Variants in TTC7B observed in about 807,000 individuals in gnomAD.
TTC7B encodes the protein tetratricopeptide repeat domain 7B, also known as tetratricopeptide repeat protein 7B.
Under a neutral mutation model 106.8 loss-of-function variants are expected in TTC7B, and 28 were observed. The ratio of observed to expected loss-of-function variants is 0.26; its 90% confidence interval spans 0.19 to 0.36. The LOEUF (loss-of-function observed/expected upper bound fraction) is 0.36, where lower values mean the gene tolerates loss of function less well. TTC7B is among the 10% of genes least tolerant of loss of function. The pLI is 1.00. For synonymous variants in TTC7B, 405 were observed against 430.6 expected (o/e 0.94, Z 0.74); for missense variants, 862 against 1,076.4 (o/e 0.80, Z 2.79).
At chr14:90,611,192 GC>G (rs1244258144) in intron 16 of TTC7B, among the ~76,000 whole-genome samples, 1 of 152,182 alleles carries the variant, frequency 6.6e-6, no homozygotes, top group African/African-American at 2.4e-5. Context: ...TGAAGTCTTA[GC>G]AAGTGAGTCC....
Position 90,531,432 on chromosome 14 carries a change from AAC to A in TTC7B, c.*9934_*9935del, listed in dbSNP as rs960622589. On this transcript the variant is annotated 3_prime_UTR_variant, in exon 20 of 20. Coordinates refer to ENST00000328459, the MANE Select transcript of TTC7B (RefSeq NM_001010854.2). ...TAAGCACAAAAAATCAAAAATACAA[AAC>A]AAAAAAACAAACAAAAAAAAAACAA... 1.3e-5 allele frequency: 2 copies of A among 150,494 alleles called. No homozygotes were observed. The highest frequency in any genetic ancestry group is 5.0e-5 in the African/African-American group (2 of 40,128). The allele number at this position is 150,494 out of a possible 1,614,324, so 9.3% of individuals were successfully genotyped here.
chr14:90,643,963 C>T, intron 15 of TTC7B, 85 bp downstream of exon 15: 1 of 1,522,268 alleles, frequency 6.6e-7, no homozygotes, highest in Non-Finnish European at 9.1e-7. Context: ...CCATGAGGGA[C>T]TTAGACAGAT....
At chr14:90,548,476 C>T (rs567248041) in intron 19 of TTC7B, among the ~76,000 whole-genome samples, 27 of 152,330 alleles carry the variant, frequency 1.8e-4, no homozygotes, top group African/African-American at 6.3e-4. Context: ...CATGTGCAAG[C>T]CATTATGATC....
chr14:90,722,372 C>T (rs573856473), intron 5 of TTC7B, among the ~76,000 whole-genome samples: 1 of 152,242 alleles, frequency 6.6e-6, no homozygotes, highest in East Asian at 1.9e-4. Flanking sequence ...AAATGGGGGA[C>T]GTGGCTCTGG....
At chr14:90,710,789 T>A (rs1187882251) in intron 5 of TTC7B, among the ~76,000 whole-genome samples, 1 of 152,224 alleles carries the variant, frequency 6.6e-6, no homozygotes, top group Non-Finnish European at 1.5e-5. Flanking sequence ...TTTCTGGACA[T>A]AATGTTATTG....
chr14:90,652,362 G>A (rs1302856792), intron 13 of TTC7B, among the ~76,000 whole-genome samples: 3 of 151,006 alleles, frequency 2.0e-5, no homozygotes, highest in African/African-American at 7.3e-5. Context: ...GAAGCACAAG[G>A]TGTTATGGAA....
At chr14:90,778,505 G>A (rs1004024387) in intron 3 of TTC7B, among the ~76,000 whole-genome samples, 10 of 152,198 alleles carry the variant, frequency 6.6e-5, no homozygotes, top group African/African-American at 2.2e-4. Context: ...GCCAACTCCT[G>A]GTACAACTCA....
chr14:90,674,918 G>A (rs111589653), intron 9 of TTC7B, among the ~76,000 whole-genome samples: 125 of 152,290 alleles, frequency 8.2e-4, no homozygotes, highest in Admixed American at 2.1e-3. Flanking sequence ...AGTCATTTGG[G>A]AGGCAGGTGA....
intron 6 of TTC7B, among the ~76,000 whole-genome samples, chr14:90,691,300 C>G (rs1311492282): frequency 6.6e-6 from 1 of 152,124 alleles, no homozygotes; most frequent in Non-Finnish European, 1.5e-5. Context: ...ATAGCTCATG[C>G]TAGGTCTCAT....
intron 17 of TTC7B, among the ~76,000 whole-genome samples, chr14:90,599,329 C>T (rs1217959966): frequency 6.6e-6 from 1 of 152,176 alleles, no homozygotes; most frequent in Admixed American, 6.5e-5. Flanking sequence ...TGAAGGACCC[C>T]TCGCCTTCCC....
At chr14:90,719,971 C>T (rs909813734) in intron 5 of TTC7B, among the ~76,000 whole-genome samples, 3 of 152,052 alleles carry the variant, frequency 2.0e-5, no homozygotes, top group African/African-American at 7.2e-5. Context: ...TTGAATGCTG[C>T]CCAACACAAA....
At chr14:90,579,109 AG>A (rs58571572) in intron 18 of TTC7B, among the ~76,000 whole-genome samples, 275 of 152,274 alleles carry the variant, frequency 1.8e-3, no homozygotes, top group African/African-American at 6.4e-3. Context: ...TCGAATATCC[AG>A]GGGGAACGTG....
intron 5 of TTC7B, among the ~76,000 whole-genome samples, chr14:90,702,846 C>T (rs915093690): frequency 2.0e-5 from 3 of 152,088 alleles, no homozygotes; most frequent in Non-Finnish European, 2.9e-5. Context: ...GTGCCCCTGA[C>T]GGGGGCAGGG....
In TTC7B at chr14:90,802,016, G is replaced by A. The variant is rs1308235978; in HGVS notation, c.121+14159C>T. On this transcript the variant is annotated intron_variant, in intron 1 of 19. Coordinates refer to ENST00000328459, the MANE Select transcript of TTC7B (RefSeq NM_001010854.2). This position sits in a 1 kb window ranked among gnomAD's most constrained non-coding sequence, Gnocchi z 4.7. ...GTGGAGGTTGCAGTGAGCCAAGATC[G>A]TGCCATTGTACTCCAGCCTGGACAA... Among the ~76,000 whole-genome samples, 4 of 151,584 alleles carry A rather than the reference G, an allele frequency of 2.6e-5. No individual in the cohort carries two copies. Among genetic ancestry groups the A allele is most frequent in the Non-Finnish European group, 4.4e-5 (3 of 67,944 alleles).
At chr14:90,633,500 T>C (rs1257291506) in intron 15 of TTC7B, among the ~76,000 whole-genome samples, 3 of 152,232 alleles carry the variant, frequency 2.0e-5, no homozygotes, top group Non-Finnish European at 4.4e-5. Flanking sequence ...AAAAGTATGA[T>C]ACTATCTAAT....
At chr14:90,786,396 G>A (rs978132220) in intron 1 of TTC7B, 68 bp from the exon 2 acceptor site, 1 of 1,587,670 alleles carries the variant, frequency 6.3e-7, no homozygotes, top group East Asian at 2.2e-5. Context: ...CCTCACTCAA[G>A]GGACCCCAGA....
At chr14:90,687,039 A>G (rs758075031) in intron 7 of TTC7B, among the ~76,000 whole-genome samples, 8 of 151,922 alleles carry the variant, frequency 5.3e-5, no homozygotes, top group Non-Finnish European at 7.4e-5. Context: ...TCATATGGAA[A>G]TGCAAGGGCT....
intron 7 of TTC7B, among the ~76,000 whole-genome samples, chr14:90,684,243 T>A (rs1412204787): frequency 2.0e-5 from 3 of 152,228 alleles, no homozygotes; most frequent in African/African-American, 7.2e-5. Context: ...CTGTTTTTAA[T>A]CTTCTGCTTT....
intron 1 of TTC7B, among the ~76,000 whole-genome samples, chr14:90,801,311 A>G (rs1239148619): frequency 1.3e-5 from 2 of 151,942 alleles, no homozygotes; most frequent in East Asian, 3.9e-4. Context: ...CCTCCCCAAG[A>G]GTCCCCGGAA....
Sources: allele counts gnomAD v4.1 joint callset (sites outside exome capture counted in the v4.1 genomes callset), GRCh38; gene constraint gnomAD v4.1.1; non-coding constraint Gnocchi (gnomAD v3.1); transcripts MANE v1.5; gene names NCBI Gene and HGNC (gene_info 2026-07-23, HGNC 2026-07-21).